GRID2: variants seen among roughly 807,000 people sequenced by gnomAD.
The protein encoded by GRID2 is glutamate ionotropic receptor delta type subunit 2, also known as glutamate receptor ionotropic, delta-2.
In GRID2, 33 loss-of-function variants were observed where a neutral mutation model predicts 114.8. The ratio of observed to expected loss-of-function variants is 0.29; its 90% CI spans 0.22 to 0.38. The LOEUF (loss-of-function observed/expected upper bound fraction) is 0.38, where lower values mean the gene tolerates loss of function less well. GRID2 is among the 10% of genes least tolerant of loss of function. The pLI, the probability that GRID2 is intolerant of heterozygous loss-of-function variation, is 1.00. For missense variants in GRID2, 1,184 were observed against 1,257.7 expected (o/e 0.94, Z 0.89); for synonymous variants, 505 against 449.9 (o/e 1.12, Z -1.55).
At chr4:93,143,652 C>T (rs1735952605) in intron 4 of GRID2, among the ~76,000 whole-genome samples, 1 of 152,124 alleles carries the variant, frequency 6.6e-6, no homozygotes, top group African/African-American at 2.4e-5. Context: ...AAAAAAATCA[C>T]ATATATCATT....
chr4:93,320,961 A>C (rs1757143943), intron 8 of GRID2, among the ~76,000 whole-genome samples: 1 of 151,984 alleles, frequency 6.6e-6, no homozygotes, highest in Non-Finnish European at 1.5e-5. Flanking sequence ...TGATATCCAC[A>C]TGGAAGGAAG....
intron 2 of GRID2, among the ~76,000 whole-genome samples, chr4:92,876,745 C>G (rs1192189382): frequency 6.6e-6 from 1 of 152,040 alleles, no homozygotes. Flanking sequence ...TTTACAAAAC[C>G]CACAGGGAGC....
At chr4:93,744,056 G>A (rs1042825258) in intron 14 of GRID2, among the ~76,000 whole-genome samples, 8 of 152,198 alleles carry the variant, frequency 5.3e-5, no homozygotes, top group Non-Finnish European at 8.8e-5. Flanking sequence ...CAGCACATCT[G>A]TTTATAGCTT....
chr4:93,012,264 G>A (rs756422917), intron 2 of GRID2, among the ~76,000 whole-genome samples: 13 of 151,918 alleles, frequency 8.6e-5, no homozygotes, highest in Non-Finnish European at 1.5e-4. Context: ...CCCTCTCTTC[G>A]TTTTGTCTCT....
At chr4:92,681,839 G>A (rs1733665124) in intron 2 of GRID2, among the ~76,000 whole-genome samples, 1 of 151,866 alleles carries the variant, frequency 6.6e-6, no homozygotes, top group Admixed American at 6.6e-5. Flanking sequence ...GAAGATGAAG[G>A]GTATATGGTA....
chr4:92,680,261 T>C (rs906153809), intron 2 of GRID2, among the ~76,000 whole-genome samples: 1 of 152,128 alleles, frequency 6.6e-6, no homozygotes, highest in Non-Finnish European at 1.5e-5. Context: ...ATCCAAAATT[T>C]ACCTTAAATA....
intron 12 of GRID2, among the ~76,000 whole-genome samples, chr4:93,495,410 A>T (rs1727433394): frequency 6.6e-6 from 1 of 151,840 alleles, no homozygotes; most frequent in Non-Finnish European, 1.5e-5. Flanking sequence ...TGATCTAATT[A>T]TGCTTAGAAA....
chr4:93,560,974 C>T (rs1472611889), intron 13 of GRID2, among the ~76,000 whole-genome samples: 5 of 150,000 alleles, frequency 3.3e-5, no homozygotes, highest in Admixed American at 2.0e-4. Flanking sequence ...ATTTATTTCT[C>T]TTGAGTGAGC....
At chr4:93,128,027 C>CAAA (rs1008311457) in intron 4 of GRID2, among the ~76,000 whole-genome samples, 1,957 of 19,682 alleles carry the variant, frequency 0.099, 240 homozygotes, top group Non-Finnish European at 0.12. Context: ...TCCCCCGCAA[C>CAAA]AAAAAAAAAA....
intron 13 of GRID2, among the ~76,000 whole-genome samples, chr4:93,544,812 A>G (rs938675494): frequency 2.6e-5 from 4 of 151,962 alleles, no homozygotes; most frequent in Non-Finnish European, 5.9e-5. Context: ...AAAAAAAAGA[A>G]ATAAATAGAT....
intron 2 of GRID2, among the ~76,000 whole-genome samples, chr4:92,780,376 T>C (rs554370563): frequency 6.6e-6 from 1 of 152,258 alleles, no homozygotes; most frequent in Non-Finnish European, 1.5e-5. Flanking sequence ...GTGAATAATT[T>C]TGTCACATTT....
chr4:92,684,692 A>G (rs556694427), intron 2 of GRID2, among the ~76,000 whole-genome samples: 1 of 152,200 alleles, frequency 6.6e-6, no homozygotes, highest in African/African-American at 2.4e-5. Flanking sequence ...AGACATGTAT[A>G]TTGCCACACA....
chr4:93,721,600 T>C (rs1207492474), intron 14 of GRID2, among the ~76,000 whole-genome samples: 1 of 152,226 alleles, frequency 6.6e-6, no homozygotes, highest in Non-Finnish European at 1.5e-5. Flanking sequence ...GTTATAATAA[T>C]GGTATCTACT....
At chr4:92,909,838 C>A (rs1489335448) in intron 2 of GRID2, among the ~76,000 whole-genome samples, 3 of 151,888 alleles carry the variant, frequency 2.0e-5, no homozygotes, top group Non-Finnish European at 4.4e-5. Flanking sequence ...CATAGCTTAA[C>A]CAAAGAGCAA....
At chr4:92,952,988 A>AT (rs368964179) in intron 2 of GRID2, among the ~76,000 whole-genome samples, 2,103 of 151,210 alleles carry the variant, frequency 0.014, 41 homozygotes, top group African/African-American at 0.048. Flanking sequence ...ATCAACTGGC[A>AT]TTTTTTTTTA....
intron 1 of GRID2, among the ~76,000 whole-genome samples, chr4:92,408,762 G>T (rs1215435707): frequency 2.0e-5 from 3 of 151,730 alleles, no homozygotes; most frequent in Non-Finnish European, 4.4e-5. Flanking sequence ...TTGTGTTCTT[G>T]ATTTGGTTCT....
At chr4:92,832,266 AC>A (rs1241223261) in intron 2 of GRID2, among the ~76,000 whole-genome samples, 1 of 152,020 alleles carries the variant, frequency 6.6e-6, no homozygotes, top group Non-Finnish European at 1.5e-5. Flanking sequence ...AAGATGAAAC[AC>A]GATCTTTACT....
At chr4:92,730,625 G>T (rs1736285961) in intron 2 of GRID2, among the ~76,000 whole-genome samples, 1 of 151,932 alleles carries the variant, frequency 6.6e-6, no homozygotes, top group Non-Finnish European at 1.5e-5. Context: ...ATCTAGAAGA[G>T]ATGTCAGGAT....
At chr4:92,338,888 T>A (rs556890067) in intron 1 of GRID2, among the ~76,000 whole-genome samples, 21 of 152,236 alleles carry the variant, frequency 1.4e-4, no homozygotes, top group African/African-American at 4.6e-4. Context: ...TGTAAAATGC[T>A]GTTGGACACT....
Sources: gnomAD v4.1 joint callset for allele counts (sites outside exome capture counted in the v4.1 genomes callset) on GRCh38, gnomAD v4.1.1 for gene constraint, MANE v1.5 for transcripts, NCBI Gene and HGNC (gene_info 2026-07-23, HGNC 2026-07-21) for gene names.